TBCD: variants seen among roughly 807,000 people sequenced by gnomAD.
The protein encoded by TBCD is tubulin-specific chaperone D.
TBCD carries 105 observed loss-of-function variants against 169.3 expected under a neutral mutation model. That is an observed-to-expected ratio of 0.62 (90% CI 0.53 to 0.73). TBCD has a LOEUF of 0.73. TBCD is among the 30% of genes least tolerant of loss of function. TBCD has a pLI of 0.00. For missense variants in TBCD, 1,444 were observed against 1,600.1 expected, an observed-to-expected ratio of 0.90 and a Z score of 1.66; for synonymous variants, 700 against 643.9, an observed-to-expected ratio of 1.09 and a Z score of -1.32.
chr17:82,879,388 G>A (rs2058201162), intron 14 of TBCD, among the ~76,000 whole-genome samples: 5 of 152,082 alleles, frequency 3.3e-5, no homozygotes, highest in African/African-American at 7.2e-5. Context: ...CTCTGCTGCC[G>A]TGCGTCTGCC....
chr17:82,879,353 G>A (rs1055761868), intron 14 of TBCD, among the ~76,000 whole-genome samples: 105 of 152,060 alleles, frequency 6.9e-4, no homozygotes, highest in African/African-American at 2.4e-3. Context: ...TTCGTGTGCC[G>A]CTTCTGGGCC....
intron 13 of TBCD, among the ~76,000 whole-genome samples, chr17:82,843,202 G>A (rs1877484686): frequency 6.6e-6 from 1 of 152,120 alleles, no homozygotes; most frequent in Non-Finnish European, 1.5e-5. Context: ...CAGACAAGTT[G>A]TAAGGATGCT....
Position 82,920,688 on chromosome 17 carries a change from C to T in TBCD, c.2101+70C>T. On this transcript the variant is annotated intron_variant, in intron 24 of 38. Transcript: ENST00000355528. The surrounding 1 kb of genome is among the most constrained non-coding windows in gnomAD (Gnocchi z 4.1). ...CTTCAGATTAAAAGGTAAAAATGAACCTGTTAGGATGGGGGCGATAAACGA... is the reference window on the plus strand; with the variant it reads ...CTTCAGATTAAAAGGTAAAAATGAATCTGTTAGGATGGGGGCGATAAACGA... 2.2e-6 allele frequency: 3 copies of T among 1,336,274 alleles called. No homozygotes were observed. Among genetic ancestry groups the T allele is most frequent in the South Asian group, 2.6e-5 (2 of 76,082 alleles). 82.8% of individuals were successfully genotyped at this position (1,336,274 alleles called of 1,614,324 possible). A position where few individuals can be genotyped will look rare whatever the true frequency, so the allele number is the denominator to read the frequency against.
chr17:82,898,393 C>G (rs991389521), intron 17 of TBCD, among the ~76,000 whole-genome samples: 1 of 152,050 alleles, frequency 6.6e-6, no homozygotes, highest in Admixed American at 6.5e-5. Context: ...TGGGAGCACA[C>G]GGCTGCTTCC....
At chr17:82,858,698 C>T (rs2056514300) in intron 13 of TBCD, 1 of 973,964 alleles carries the variant, frequency 1.0e-6, no homozygotes, top group Non-Finnish European at 1.2e-6. Context: ...TTGTACTTAC[C>T]TTCATATTTT....
intron 35 of TBCD, chr17:82,937,605 GGC>G: frequency 1.7e-6 from 1 of 598,342 alleles, no homozygotes; most frequent in Non-Finnish European, 2.9e-6. Flanking sequence ...GCTCTGCCCT[GGC>G]GGGAGGGGAG....
rs1330198907 is a variant in TBCD, at chr17:82,915,168, C to T, written c.2038+3379C>T. 6.6e-6 allele frequency among the ~76,000 whole-genome samples: 1 copy of T among 152,116 alleles called. No homozygotes were observed. The highest frequency in any genetic ancestry group is 1.5e-5 in the Non-Finnish European group (1 of 68,010). The stretch of plus-strand genomic sequence containing the variant: ...AGGGGCTGCTGGTCACTTTCTCACC[C>T]AGGCCAGAGGATGGCGCCCTTACCC... On this transcript the variant is annotated intron_variant, in intron 23 of 38. Transcript: ENST00000355528. This position sits in a 1 kb window ranked among gnomAD's most constrained non-coding sequence, Gnocchi z 4.3.
At chr17:82,905,144 C>T (rs969367969) in intron 19 of TBCD, among the ~76,000 whole-genome samples, 1 of 152,218 alleles carries the variant, frequency 6.6e-6, no homozygotes, top group Non-Finnish European at 1.5e-5. Context: ...AGTAGAGGCA[C>T]CACCCCTGGG....
chr17:82,768,679 T>G (rs1235010740), intron 5 of TBCD, 113 bp downstream of exon 5: 5 of 1,181,214 alleles, frequency 4.2e-6, no homozygotes, highest in Non-Finnish European at 4.6e-6. Flanking sequence ...ACTGCTGTTT[T>G]TTTCAGTGGG....
intron 13 of TBCD, among the ~76,000 whole-genome samples, chr17:82,815,632 C>T (rs1324037263): frequency 6.6e-6 from 1 of 152,218 alleles, no homozygotes; most frequent in African/African-American, 2.4e-5. Flanking sequence ...TGGCAGTGCC[C>T]TCTGAGGGCA....
In TBCD at chr17:82,942,481, A is replaced by G; in HGVS notation, c.*18A>G. 6.2e-7 allele frequency: 1 copy of G among 1,613,918 alleles called. No individual in the cohort carries two copies. The highest frequency in any genetic ancestry group is 8.5e-7 in the Non-Finnish European group (1 of 1,179,884). On this transcript the variant is annotated 3_prime_UTR_variant, in exon 39 of 39. Transcript: ENST00000355528. ...CCTGCTGAAGCCAGTCCTGGAGCCC[A>G]TACCTCACCCCTGCCTGGTGAGGAT...
At chr17:82,829,077 CA>C (rs1375396821) in intron 13 of TBCD, among the ~76,000 whole-genome samples, 1 of 148,814 alleles carries the variant, frequency 6.7e-6, no homozygotes, top group Non-Finnish European at 1.5e-5. Context: ...AGATAGCACA[CA>C]CGCACACCCA....
Position 82,832,153 on chromosome 17 carries a change from T to C in TBCD, c.1318+17219T>C. ...TTCCCTGGCAGAGCTGTGCTGAAGC[T>C]TCGAGTCGAAGGCAGAGAGTCCATT... On this transcript the variant is annotated intron_variant, in intron 13 of 38. Transcript: ENST00000355528. The surrounding 1 kb of genome is among the most constrained non-coding windows in gnomAD (Gnocchi z 4.9). 1.2e-6 allele frequency: 2 copies of C among 1,614,194 alleles called. No individual in the cohort carries two copies. Among genetic ancestry groups the C allele is most frequent in the Non-Finnish European group, 1.7e-6 (2 of 1,180,030 alleles).
chr17:82,797,588 C>T (rs555470194), intron 7 of TBCD, among the ~76,000 whole-genome samples, 169 bp from the exon 8 acceptor site: 2 of 152,156 alleles, frequency 1.3e-5, no homozygotes, highest in African/African-American at 4.8e-5. Flanking sequence ...TTTCACTAGT[C>T]TCTTATAATT....
In TBCD at chr17:82,831,180, C is replaced by G; in HGVS notation, c.1318+16246C>G. The G allele has an allele frequency of 6.2e-7, 1 of 1,614,156 alleles. No individual in the cohort carries two copies. The highest frequency in any genetic ancestry group is 8.5e-7 in the Non-Finnish European group (1 of 1,180,036). On this transcript the variant is annotated intron_variant, in intron 13 of 38. Transcript: ENST00000355528. This position sits in a 1 kb window ranked among gnomAD's most constrained non-coding sequence, Gnocchi z 4.6. Reference sequence around the variant, plus strand: ...AGAGGTCGTACAGGCCTTCGCAGGTCTGGCTCGTCTGCATGAAGTCGGTGG... The same window carrying G: ...AGAGGTCGTACAGGCCTTCGCAGGTGTGGCTCGTCTGCATGAAGTCGGTGG...
At chr17:82,841,894 A>G (rs1341607072) in intron 13 of TBCD, among the ~76,000 whole-genome samples, 2 of 152,086 alleles carry the variant, frequency 1.3e-5, no homozygotes, top group East Asian at 1.9e-4. Context: ...ATCAGCTGGA[A>G]CCTCATCCTC....
chr17:82,817,594 G>A (rs552684053), intron 13 of TBCD, among the ~76,000 whole-genome samples: 23 of 152,206 alleles, frequency 1.5e-4, no homozygotes, highest in Non-Finnish European at 3.1e-4. Context: ...ACTGCACCTG[G>A]CCTTCATGCC....
At chr17:82,783,852 C>T (rs1327283558) in intron 7 of TBCD, among the ~76,000 whole-genome samples, 5 of 151,896 alleles carry the variant, frequency 3.3e-5, no homozygotes, top group Admixed American at 2.0e-4. Context: ...AGGCCGGGCG[C>T]GGTGGCTCAT....
intron 14 of TBCD, among the ~76,000 whole-genome samples, chr17:82,876,469 T>C (rs530862542): frequency 6.6e-6 from 1 of 152,266 alleles, no homozygotes; most frequent in Non-Finnish European, 1.5e-5. Context: ...CGTGGGACGT[T>C]GGGTGTCCTG....
Sources: allele counts gnomAD v4.1 joint callset (sites outside exome capture counted in the v4.1 genomes callset), GRCh38; gene constraint gnomAD v4.1.1; non-coding constraint Gnocchi (gnomAD v3.1); transcripts MANE v1.5; gene names NCBI Gene and HGNC (gene_info 2026-07-23, HGNC 2026-07-21).